The following LHFPL3 variants were observed in gnomAD, a reference collection of about 807,000 sequenced individuals.
LHFPL3 encodes LHFPL tetraspan subfamily member 3 protein.
In LHFPL3, 5 loss-of-function variants were observed where a neutral mutation model predicts 19.3. The observed-to-expected ratio is 0.26, with a 90% CI of 0.14 to 0.54. LHFPL3 has a LOEUF of 0.54. LHFPL3 is among the 20% of genes least tolerant of loss of function. The pLI, the probability that LHFPL3 is intolerant of heterozygous loss-of-function variation, is 0.94. For synonymous variants in LHFPL3, 133 were observed against 126.2 expected (o/e 1.05, Z -0.36); for missense variants, 249 against 307.4 (o/e 0.81, Z 1.42).
At chr7:104,360,477 G>A (rs1790370156) in intron 1 of LHFPL3, among the ~76,000 whole-genome samples, 1 of 152,174 alleles carries the variant, frequency 6.6e-6, no homozygotes, top group East Asian at 1.9e-4. Flanking sequence ...GCCAGAGGGA[G>A]GAAACTGAGC....
At chr7:104,536,124 C>A (rs1045711461) in intron 1 of LHFPL3, among the ~76,000 whole-genome samples, 1 of 152,166 alleles carries the variant, frequency 6.6e-6, no homozygotes, top group African/African-American at 2.4e-5. Context: ...AAGGGAGAAC[C>A]AAACTCATAT....
chr7:104,862,845 C>T (rs1791641788), intron 2 of LHFPL3, among the ~76,000 whole-genome samples: 1 of 152,182 alleles, frequency 6.6e-6, no homozygotes, highest in African/African-American at 2.4e-5. Flanking sequence ...AAGAGGTAAA[C>T]CTGGGATCCC....
intron 1 of LHFPL3, among the ~76,000 whole-genome samples, chr7:104,532,160 C>G (rs1187919983): frequency 6.6e-6 from 1 of 152,054 alleles, no homozygotes; most frequent in Admixed American, 6.6e-5. Flanking sequence ...CTTTGTCACC[C>G]AGGCTGGATG....
intron 1 of LHFPL3, among the ~76,000 whole-genome samples, chr7:104,624,209 T>A (rs1310339441): frequency 6.6e-6 from 1 of 152,186 alleles, no homozygotes; most frequent in Non-Finnish European, 1.5e-5. Context: ...TTGACACACA[T>A]ACAAAACACG....
intron 1 of LHFPL3, chr7:104,669,115 T>A: frequency 6.2e-7 from 1 of 1,612,814 alleles, no homozygotes; most frequent in Non-Finnish European, 8.5e-7. Context: ...AGATTGCCAC[T>A]CTCCAACTTC....
chr7:104,668,608 A>G, intron 1 of LHFPL3: 1 of 1,612,664 alleles, frequency 6.2e-7, no homozygotes, highest in South Asian at 1.1e-5. Flanking sequence ...GATGATGACT[A>G]CAGAGAAGGC....
At chr7:104,430,935 A>C (rs776001161) in intron 1 of LHFPL3, among the ~76,000 whole-genome samples, 1 of 152,146 alleles carries the variant, frequency 6.6e-6, no homozygotes, top group East Asian at 1.9e-4. Context: ...TTTGCAAAAC[A>C]GATTTGAGGT....
At chr7:104,625,227 T>G (rs1177369287) in intron 1 of LHFPL3, among the ~76,000 whole-genome samples, 1 of 152,220 alleles carries the variant, frequency 6.6e-6, no homozygotes, top group Non-Finnish European at 1.5e-5. Flanking sequence ...TTGTCCTCCT[T>G]CACCAAGCAA....
chr7:104,886,945 A>T (rs1433716155), intron 2 of LHFPL3, among the ~76,000 whole-genome samples: 1 of 152,240 alleles, frequency 6.6e-6, no homozygotes, highest in Non-Finnish European at 1.5e-5. Flanking sequence ...GGGTCAAGGG[A>T]AAGGAAGACT....
intron 2 of LHFPL3, among the ~76,000 whole-genome samples, chr7:104,811,237 C>T (rs1218182759): frequency 6.7e-6 from 1 of 150,142 alleles, no homozygotes; most frequent in Non-Finnish European, 1.5e-5. Context: ...CTCTGTCTCC[C>T]AGGAGGGAGT....
chr7:104,806,091 TG>T (rs922852840), intron 2 of LHFPL3, among the ~76,000 whole-genome samples: 2 of 152,236 alleles, frequency 1.3e-5, no homozygotes. Flanking sequence ...CGACAGTCTT[TG>T]GTAAAGAAAC....
At chr7:104,883,534 T>C (rs1792092775) in intron 2 of LHFPL3, among the ~76,000 whole-genome samples, 1 of 152,148 alleles carries the variant, frequency 6.6e-6, no homozygotes, top group Non-Finnish European at 1.5e-5. Context: ...TACTATTTAA[T>C]GAAAATGAAG....
At chr7:104,431,815 T>C (rs1303827536) in intron 1 of LHFPL3, among the ~76,000 whole-genome samples, 1 of 152,236 alleles carries the variant, frequency 6.6e-6, no homozygotes, top group Non-Finnish European at 1.5e-5. Flanking sequence ...TTGGAGATCA[T>C]AAACTCTTTC....
intron 1 of LHFPL3, among the ~76,000 whole-genome samples, chr7:104,532,052 G>T (rs1794304700): frequency 6.6e-6 from 1 of 152,122 alleles, no homozygotes; most frequent in Non-Finnish European, 1.5e-5. Context: ...AGATCCTGGT[G>T]CTCAAAGGAC....
intron 2 of LHFPL3, among the ~76,000 whole-genome samples, chr7:104,799,185 C>T (rs1790192918): frequency 6.6e-6 from 1 of 152,190 alleles, no homozygotes; most frequent in Non-Finnish European, 1.5e-5. Context: ...ATGCAGTCAT[C>T]ATTCCCTACT....
chr7:104,889,710 G>C (rs1473025677), intron 2 of LHFPL3, among the ~76,000 whole-genome samples: 1 of 152,138 alleles, frequency 6.6e-6, no homozygotes, highest in Non-Finnish European at 1.5e-5. Flanking sequence ...CTCCCATAAA[G>C]TCATCTTTAT....
intron 1 of LHFPL3, among the ~76,000 whole-genome samples, chr7:104,468,163 A>G (rs1227259702): frequency 6.6e-6 from 1 of 152,230 alleles, no homozygotes; most frequent in Admixed American, 6.5e-5. Context: ...GGAAGCTGCT[A>G]GTATCGTATC....
chr7:104,593,797 C>A (rs1022198042), intron 1 of LHFPL3, among the ~76,000 whole-genome samples: 2 of 152,070 alleles, frequency 1.3e-5, no homozygotes, highest in African/African-American at 4.8e-5. Flanking sequence ...TATGTAATGG[C>A]CTTCTTTGTC....
intron 1 of LHFPL3, among the ~76,000 whole-genome samples, chr7:104,446,009 G>A (rs1792324093): frequency 6.6e-6 from 1 of 152,118 alleles, no homozygotes; most frequent in Admixed American, 6.6e-5. Flanking sequence ...TCGACAGGAA[G>A]GTTTATTAGT....
Sources: allele counts gnomAD v4.1 joint callset (sites outside exome capture counted in the v4.1 genomes callset), GRCh38; gene constraint gnomAD v4.1.1; transcripts MANE v1.5; gene names NCBI Gene and HGNC (gene_info 2026-07-23, HGNC 2026-07-21).